ADAMTS2: variants seen among roughly 807,000 people sequenced by gnomAD.
The protein encoded by ADAMTS2 is A disintegrin and metalloproteinase with thrombospondin motifs 2.
In ADAMTS2, 50 loss-of-function variants were observed where a neutral mutation model predicts 123.0. That is an observed-to-expected ratio of 0.41 (90% CI 0.32 to 0.51). The LOEUF (loss-of-function observed/expected upper bound fraction) is 0.51. Among genes scored for constraint, ADAMTS2 ranks in the 20% least tolerant of loss-of-function variants. The pLI, the probability that ADAMTS2 is intolerant of heterozygous loss-of-function variation, is 0.35. For synonymous variants in ADAMTS2, 678 were observed against 695.4 expected (o/e 0.98, Z 0.39); for missense variants, 1,494 against 1,705.2 (o/e 0.88, Z 2.18).
At chr5:179,211,960 A>G (rs1764861637) in intron 3 of ADAMTS2, among the ~76,000 whole-genome samples, 1 of 152,232 alleles carries the variant, frequency 6.6e-6, no homozygotes, top group Non-Finnish European at 1.5e-5. Context: ...CAGGAAAATT[A>G]CATGACTCGG....
intron 2 of ADAMTS2, among the ~76,000 whole-genome samples, chr5:179,299,598 A>C (rs1365940028): frequency 6.7e-6 from 1 of 148,794 alleles, no homozygotes; most frequent in Admixed American, 6.7e-5. Context: ...TGAAGTCCAC[A>C]ATGGGTCTCA....
chr5:179,152,324 C>A, intron 9 of ADAMTS2, 69 bp from the exon 10 acceptor site: 1 of 1,484,324 alleles, frequency 6.7e-7, no homozygotes, highest in Non-Finnish European at 9.3e-7. Flanking sequence ...GCCACCCACC[C>A]CCGGGTTCTG....
At position 179,260,632 on chromosome 5, in the gene ADAMTS2, A is replaced by G. The variant is rs1264744371; in HGVS notation, c.688+12279T>C. ...GCTCCTCCCTCCTGATGCAGGAGTC[A>G]AAAGGCCTGGCTCCCACTGTTTCTA... On this transcript the variant is annotated intron_variant, in intron 3 of 21. Transcript: ENST00000251582. The surrounding 1 kb of genome is among the most constrained non-coding windows in gnomAD (Gnocchi z 4.2). Among the ~76,000 whole-genome samples, 1 of 152,152 alleles carries G rather than the reference A, an allele frequency of 6.6e-6. No homozygotes were observed.
In ADAMTS2 at chr5:179,177,657, G is replaced by T. The variant is rs114675317; in HGVS notation, c.975+3415C>A. Among the ~76,000 whole-genome samples the T allele has an allele frequency of 4.2e-3, 637 of 152,162 alleles. 6 individuals carry two copies. Among genetic ancestry groups the T allele is most frequent in the African/African-American group, 0.015 (603 of 41,492 alleles). On this transcript the variant is annotated intron_variant, in intron 5 of 21. Coordinates refer to ENST00000251582, the MANE Select transcript of ADAMTS2 (RefSeq NM_014244.5). ...ATTTCCCCAGGATCTCCGTGTCCCT[G>T]GCATAGAGATCCTCAAATTCTCACC...
At chr5:179,330,132 CAAAAAA>C (rs58696442) in intron 2 of ADAMTS2, among the ~76,000 whole-genome samples, 2 of 96,880 alleles carry the variant, frequency 2.1e-5, no homozygotes, top group Admixed American at 1.0e-4. Flanking sequence ...GACTCCGTCT[CAAAAAA>C]AAAAAAAAAA....
intron 10 of ADAMTS2, among the ~76,000 whole-genome samples, chr5:179,148,241 C>T (rs962522999): frequency 6.6e-6 from 1 of 152,158 alleles, no homozygotes; most frequent in Non-Finnish European, 1.5e-5. Flanking sequence ...ATCTCCTCAA[C>T]ACACGCCTGG....
At chr5:179,179,943 T>C (rs372075815) in intron 5 of ADAMTS2, among the ~76,000 whole-genome samples, 4 of 152,348 alleles carry the variant, frequency 2.6e-5, no homozygotes, top group African/African-American at 9.6e-5. Context: ...TGATTTTCTA[T>C]GCACAGCCAG....
intron 12 of ADAMTS2, 30 bp downstream of exon 12, chr5:179,137,739 C>A (rs1205903600): frequency 3.3e-6 from 5 of 1,515,474 alleles, no homozygotes; most frequent in African/African-American, 1.4e-5. Flanking sequence ...GCCTGCTGAG[C>A]CCCCACTGAT....
chr5:179,137,493 GAGCCCGGCCCCTGCCGAGCCCGC>G (rs1236153386), intron 12 of ADAMTS2, among the ~76,000 whole-genome samples: 3 of 152,256 alleles, frequency 2.0e-5, no homozygotes, highest in East Asian at 3.8e-4. Flanking sequence ...TGAACTGCAG[GAGCCCGGCCCCTGCCGAGCCCGC>G]AGCCCGGCCA....
intron 5 of ADAMTS2, among the ~76,000 whole-genome samples, chr5:179,172,851 A>T (rs187201890): frequency 0.015 from 2,237 of 152,190 alleles, 47 homozygotes; most frequent in African/African-American, 0.051. Flanking sequence ...ATGATTTTTT[A>T]AAAAATCATT....
chr5:179,255,160 A>C (rs1766017934), intron 3 of ADAMTS2, among the ~76,000 whole-genome samples: 1 of 152,186 alleles, frequency 6.6e-6, no homozygotes, highest in South Asian at 2.1e-4. Flanking sequence ...GAATGAATAC[A>C]CGATGGATGA....
In ADAMTS2 at chr5:179,114,178, G is replaced by A; in HGVS notation, c.3325C>T (p.Pro1109Ser). ...TCAATGTCGTTGTGCTTCCCAGGCG[G>A]TGGCTCTATCCTGCCCTCCACGTTG... ...LTNVEGRIEP[P>S]PGKHNDIDVF... is the part of the protein sequence containing the mutation. Residue 1109 changes from proline (P) to serine (S), a missense_variant, in exon 22 of 22, where the codon CCG (proline) becomes TCG (serine). Coordinates refer to ENST00000251582, the MANE Select transcript of ADAMTS2 (RefSeq NM_014244.5). The A allele has an allele frequency of 1.2e-6, 2 of 1,612,264 alleles. No homozygotes were observed. Among genetic ancestry groups the A allele is most frequent in the Non-Finnish European group, 1.7e-6 (2 of 1,178,498 alleles).
intron 2 of ADAMTS2, among the ~76,000 whole-genome samples, chr5:179,328,501 CTGGGGCT>C (rs1757373311): frequency 6.6e-6 from 1 of 152,248 alleles, no homozygotes; most frequent in Middle Eastern, 3.2e-3. Flanking sequence ...GACAGCAATG[CTGGGGCT>C]TGGGCTTGCC....
intron 4 of ADAMTS2, among the ~76,000 whole-genome samples, chr5:179,183,737 G>A (rs1764101688): frequency 6.6e-6 from 1 of 152,348 alleles, no homozygotes; most frequent in African/African-American, 2.4e-5. Context: ...CAGGAGAGGA[G>A]GGCAGGCCTG....
chr5:179,329,121 A>T (rs944111718), intron 2 of ADAMTS2, among the ~76,000 whole-genome samples: 7 of 152,098 alleles, frequency 4.6e-5, no homozygotes, highest in Admixed American at 1.3e-4. Context: ...AGGTCAGGAG[A>T]TGGAGACCAT....
chr5:179,292,108 C>T (rs1005631375), intron 2 of ADAMTS2, among the ~76,000 whole-genome samples: 1 of 151,892 alleles, frequency 6.6e-6, no homozygotes, highest in African/African-American at 2.4e-5. Context: ...ACACTCTGGG[C>T]AAGATCCACA....
rs998185433 is a variant in ADAMTS2 at position 179,180,551 on chromosome 5, C to T, written c.975+521G>A. On this transcript the variant is annotated intron_variant, in intron 5 of 21. Coordinates refer to ENST00000251582, the MANE Select transcript of ADAMTS2 (RefSeq NM_014244.5). The surrounding 1 kb of genome is among the most constrained non-coding windows in gnomAD (Gnocchi z 4.6). ...AGCACATTTTTCAGATACAAACCAA[C>T]CAATCCAGCGCCCATGTCCCCAGCC... is the stretch of plus-strand genomic sequence containing the variant. Among the ~76,000 whole-genome samples, 1 of 152,180 alleles carries T rather than the reference C, an allele frequency of 6.6e-6. No homozygotes were observed. The highest frequency in any genetic ancestry group is 2.4e-5 in the African/African-American group (1 of 41,430).
chr5:179,152,575 T>C (rs1205364354), intron 9 of ADAMTS2, among the ~76,000 whole-genome samples: 4 of 151,884 alleles, frequency 2.6e-5, no homozygotes, highest in Non-Finnish European at 1.5e-5. Flanking sequence ...TTGCCGTGGA[T>C]TTCCCTCCTA....
chr5:179,193,538 G>A (rs549820683), intron 4 of ADAMTS2, among the ~76,000 whole-genome samples: 2 of 152,298 alleles, frequency 1.3e-5, no homozygotes, highest in South Asian at 2.1e-4. Flanking sequence ...CATGGACGAT[G>A]GAGACACAGC....
Sources: gnomAD v4.1 joint callset for allele counts (sites outside exome capture counted in the v4.1 genomes callset) on GRCh38, gnomAD v4.1.1 for gene constraint, Gnocchi (gnomAD v3.1) non-coding constraint, MANE v1.5 for transcripts, NCBI Gene and HGNC (gene_info 2026-07-23, HGNC 2026-07-21) for gene names.